The following CDH4 variants were observed in gnomAD, a reference collection of about 807,000 sequenced individuals.
CDH4 encodes cadherin-4.
Under a neutral mutation model 86.0 loss-of-function variants are expected in CDH4, and 33 were observed. The ratio of observed to expected loss-of-function variants is 0.38; its 90% CI spans 0.29 to 0.51. The LOEUF is 0.51. Among genes scored for constraint, CDH4 ranks in the 20% least tolerant of loss-of-function variants. The probability of loss-of-function intolerance (pLI) is 0.86; values close to 1 mark genes in which losing one functional copy is unlikely to be tolerated. For synonymous variants in CDH4, 555 were observed against 549.4 expected (o/e 1.01, Z -0.14); for missense variants, 1,114 against 1,307.4 (o/e 0.85, Z 2.28).
chr20:61,622,579 A>G (rs182865684), intron 2 of CDH4, among the ~76,000 whole-genome samples: 1 of 152,270 alleles, frequency 6.6e-6, no homozygotes, highest in Admixed American at 6.5e-5. Flanking sequence ...CCTGCTGCAC[A>G]TGGCCCAGGC....
intron 2 of CDH4, among the ~76,000 whole-genome samples, chr20:61,690,052 C>T (rs374699930): frequency 2.7e-5 from 4 of 148,002 alleles, no homozygotes; most frequent in East Asian, 2.0e-4. Context: ...TGTGGTCATC[C>T]GGCAGGGACG....
At chr20:61,456,051 GAAGGA>G (rs2085405203) in intron 2 of CDH4, among the ~76,000 whole-genome samples, 1 of 152,046 alleles carries the variant, frequency 6.6e-6, no homozygotes, top group African/African-American at 2.4e-5. Context: ...AGAAAGGAAG[GAAGGA>G]AAGAGAGAGG....
rs372698319 is a variant in CDH4, at chr20:61,374,858, C to T, written c.169+119921C>T. On this transcript the variant is annotated intron_variant, in intron 2 of 15. Coordinates refer to ENST00000614565, the MANE Select transcript of CDH4 (RefSeq NM_001794.5). ...CAGTTGCGACCTATTTCTTGGGAAGCGTGCCGCCTGGAGGCTGCATCTGCA... is the reference window on the plus strand; with the variant it reads ...CAGTTGCGACCTATTTCTTGGGAAGTGTGCCGCCTGGAGGCTGCATCTGCA... Among the ~76,000 whole-genome samples, 41 of 152,330 alleles carry T rather than the reference C, an allele frequency of 2.7e-4. 1 individual carries two copies. Among genetic ancestry groups the T allele is most frequent in the African/African-American group, 7.7e-4 (32 of 41,582 alleles).
chr20:61,595,019 T>C (rs2086545317), intron 2 of CDH4, among the ~76,000 whole-genome samples: 1 of 152,200 alleles, frequency 6.6e-6, no homozygotes, highest in Admixed American at 6.5e-5. Context: ...GACCGTGGGC[T>C]CCATCCGGGC....
At chr20:61,834,768 C>T (rs1348861751) in intron 4 of CDH4, among the ~76,000 whole-genome samples, 1 of 152,202 alleles carries the variant, frequency 6.6e-6, no homozygotes, top group Non-Finnish European at 1.5e-5. Context: ...CGGCTTTGGA[C>T]TTGGCTTTAG....
chr20:61,936,623 T>G, intron 15 of CDH4, 114 bp from the exon 16 acceptor site: 1 of 765,222 alleles, frequency 1.3e-6, no homozygotes, highest in Non-Finnish European at 1.9e-6. Context: ...GACACCTACT[T>G]TATGCAACGT....
At chr20:61,415,227 G>C (rs2243584) in intron 2 of CDH4, among the ~76,000 whole-genome samples, 1 of 152,090 alleles carries the variant, frequency 6.6e-6, no homozygotes, top group African/African-American at 2.4e-5. Flanking sequence ...GCAGGAGCTC[G>C]GGTTGAAGAA....
At chr20:61,683,009 G>A (rs1287331083) in intron 2 of CDH4, among the ~76,000 whole-genome samples, 1 of 151,996 alleles carries the variant, frequency 6.6e-6, no homozygotes. Context: ...AAAAAATCCT[G>A]TATCTTTTTA....
At chr20:61,429,218 AC>A (rs2085231159) in intron 2 of CDH4, among the ~76,000 whole-genome samples, 1 of 152,156 alleles carries the variant, frequency 6.6e-6, no homozygotes, top group African/African-American at 2.4e-5. Flanking sequence ...TGAGGTAGGG[AC>A]CACCTTTATA....
intron 8 of CDH4, among the ~76,000 whole-genome samples, chr20:61,907,365 C>T (rs1385698861): frequency 6.6e-6 from 1 of 151,922 alleles, no homozygotes. Context: ...GCCCAGGATC[C>T]CGTGTGGCCA....
At chr20:61,445,148 G>C (rs962621568) in intron 2 of CDH4, among the ~76,000 whole-genome samples, 3 of 152,224 alleles carry the variant, frequency 2.0e-5, no homozygotes, top group African/African-American at 7.2e-5. Context: ...CCTATTGCAA[G>C]AATCCCAGCC....
intron 7 of CDH4, among the ~76,000 whole-genome samples, chr20:61,892,186 G>A (rs1394587802): frequency 1.3e-5 from 2 of 152,200 alleles, no homozygotes; most frequent in Non-Finnish European, 2.9e-5. Flanking sequence ...GTTGGATCCT[G>A]TGATGCACTT....
intron 2 of CDH4, among the ~76,000 whole-genome samples, chr20:61,533,972 C>G (rs563337493): frequency 6.3e-4 from 94 of 148,488 alleles, no homozygotes; most frequent in African/African-American, 2.3e-3. Flanking sequence ...TGCTTTCAGA[C>G]AGGAATCCCC....
chr20:61,479,860 G>A lies in CDH4; in HGVS notation c.169+224923G>A, dbSNP rs560278460. Among the ~76,000 whole-genome samples the A allele has an allele frequency of 3.3e-5, 5 of 152,242 alleles. No individual in the cohort carries two copies. In the East Asian group the frequency reaches 9.6e-4, roughly 29 times the overall value. On this transcript the variant is annotated intron_variant, in intron 2 of 15. Coordinates refer to ENST00000614565, the MANE Select transcript of CDH4 (RefSeq NM_001794.5). ...GCTACTCAGGGTCGCCCCATAGCTC[G>A]CTGATTCTGGCCATTTCTGTTTTTG...
chr20:61,652,414 T>C (rs1178088754), intron 2 of CDH4, among the ~76,000 whole-genome samples: 2 of 152,226 alleles, frequency 1.3e-5, no homozygotes, highest in Admixed American at 6.5e-5. Flanking sequence ...TTTACATCAC[T>C]ATTTTAAATG....
chr20:61,368,234 C>G (rs970455402), intron 2 of CDH4, among the ~76,000 whole-genome samples: 2 of 152,212 alleles, frequency 1.3e-5, no homozygotes, highest in Non-Finnish European at 2.9e-5. Flanking sequence ...AGAAATGGCA[C>G]GTACCTCCTT....
chr20:61,347,190 G>A lies in CDH4; in HGVS notation c.169+92253G>A, dbSNP rs139227954. Among the ~76,000 whole-genome samples the A allele has an allele frequency of 8.1e-3, 1,236 of 152,274 alleles. 22 individuals carry two copies. Among genetic ancestry groups the A allele is most frequent in the African/African-American group, 0.028 (1,154 of 41,556 alleles). On this transcript the variant is annotated intron_variant, in intron 2 of 15. Transcript: ENST00000614565. ...TGTGGGAGACCAAAGTCATAGCCTC[G>A]TGCCCCACATGGCCGTGAGGCCCTG...
intron 2 of CDH4, among the ~76,000 whole-genome samples, chr20:61,491,112 C>T (rs1036804435): frequency 1.3e-5 from 2 of 152,162 alleles, no homozygotes; most frequent in Non-Finnish European, 2.9e-5. Context: ...TATGGTATAG[C>T]CAACACCATG....
At chr20:61,629,880 T>G (rs1410677689) in intron 2 of CDH4, among the ~76,000 whole-genome samples, 4 of 152,166 alleles carry the variant, frequency 2.6e-5, no homozygotes, top group African/African-American at 9.7e-5. Flanking sequence ...TGGAACCAGC[T>G]GAACAGGAGG....
Sources: allele counts gnomAD v4.1 joint callset (sites outside exome capture counted in the v4.1 genomes callset), GRCh38; gene constraint gnomAD v4.1.1; transcripts MANE v1.5; gene names NCBI Gene and HGNC (gene_info 2026-07-23, HGNC 2026-07-21).